The following SETD5 variants were observed in gnomAD, a reference collection of about 807,000 sequenced individuals.
SETD5 encodes the protein histone-lysine N-methyltransferase SETD5.
Under a neutral mutation model 153.3 loss-of-function variants are expected in SETD5, and 44 were observed. That is an observed-to-expected ratio of 0.29 (90% CI 0.23 to 0.37). SETD5 has a LOEUF of 0.37. Among genes scored for constraint, SETD5 ranks in the 10% least tolerant of loss-of-function variants. SETD5 has a pLI of 1.00. For synonymous variants in SETD5, 716 were observed against 645.2 expected (o/e 1.11, Z -1.66); for missense variants, 1,544 against 1,768.0 (o/e 0.87, Z 2.27).
At chr3:9,408,302 G>A (rs1294098389) in intron 1 of SETD5, among the ~76,000 whole-genome samples, 2 of 152,094 alleles carry the variant, frequency 1.3e-5, no homozygotes, top group Non-Finnish European at 2.9e-5. Context: ...TTTTTCGAAT[G>A]TCTTTTTTCT....
chr3:9,460,454 A>G (rs1575550027), intron 17 of SETD5, among the ~76,000 whole-genome samples: 1 of 149,174 alleles, frequency 6.7e-6, no homozygotes. Flanking sequence ...TTTTAATAGT[A>G]TGAGCATGGT....
intron 7 of SETD5, among the ~76,000 whole-genome samples, chr3:9,439,463 A>G (rs925966327): frequency 3.3e-5 from 5 of 152,240 alleles, no homozygotes; most frequent in Admixed American, 3.3e-4. Context: ...CCTGTTTGCA[A>G]GTTTAATGTG....
chr3:9,398,205 A>C, intron 1 of SETD5: 1 of 140,316 alleles, frequency 7.1e-6, no homozygotes, highest in Non-Finnish European at 1.5e-5. Context: ...AGGCGACCCA[A>C]CTCCCCCTTT....
chr3:9,441,780 G>C (rs1386723025), intron 9 of SETD5, 39 bp downstream of exon 9: 1 of 1,611,984 alleles, frequency 6.2e-7, no homozygotes, highest in Non-Finnish European at 8.5e-7. Flanking sequence ...GGCTAAGGTG[G>C]ACCTGGTTGA....
chr3:9,469,861 A>G (rs555082067), intron 18 of SETD5, among the ~76,000 whole-genome samples: 1 of 152,304 alleles, frequency 6.6e-6, no homozygotes, highest in African/African-American at 2.4e-5. Flanking sequence ...AGAAAGTTGT[A>G]TGAGAAACAC....
chr3:9,454,067 G>A, intron 17 of SETD5, 199 bp downstream of exon 17: 1 of 423,688 alleles, frequency 2.4e-6, no homozygotes, highest in Non-Finnish European at 3.9e-6. Flanking sequence ...GGACTAGACA[G>A]TGTACAGATA....
chr3:9,440,713 G>A lies in SETD5; in HGVS notation c.810+15G>A. On this transcript the variant is annotated intron_variant, in intron 8 of 22. Transcript: ENST00000402198. ...CCCAAATGCAGGTAAGCACCAAAGGGTTGAGGACTCTCTAAGTAGCTGAAA... is the reference window on the plus strand; with the variant it reads ...CCCAAATGCAGGTAAGCACCAAAGGATTGAGGACTCTCTAAGTAGCTGAAA... 6.2e-7 allele frequency: 1 copy of A among 1,609,666 alleles called. No individual in the cohort carries two copies. The highest frequency in any genetic ancestry group is 8.5e-7 in the Non-Finnish European group (1 of 1,177,956).
chr3:9,413,634 G>A (rs1433594226), intron 1 of SETD5, among the ~76,000 whole-genome samples: 2 of 140,236 alleles, frequency 1.4e-5, no homozygotes, highest in Non-Finnish European at 3.2e-5. Flanking sequence ...AGCTTCTTCG[G>A]GTGGGGGGAG....
At chr3:9,446,095 C>G (rs28581173) in intron 13 of SETD5, among the ~76,000 whole-genome samples, 3,011 of 149,224 alleles carry the variant, frequency 0.02, 104 homozygotes, top group African/African-American at 0.069. Context: ...AGACCATCCT[C>G]GCTAACACGG....
rs937537865 is a variant in SETD5 at position 9,424,658 on chromosome 3, G to A, written c.-117+132G>A. ...ATTTCTGGAACTTCTCTACGTGTCA[G>A]TTATTGTTTTGGCCATTGAAACTAC... On this transcript the variant is annotated intron_variant, in intron 2 of 22. Coordinates refer to ENST00000402198, the MANE Select transcript of SETD5 (RefSeq NM_001080517.3). 3.3e-5 allele frequency: 5 copies of A among 152,162 alleles called. No individual in the cohort carries two copies. The South Asian group carries it at 1.0e-3, about 31-fold the overall frequency. 9.4% of individuals were successfully genotyped at this position (152,162 alleles called of 1,614,324 possible).
chr3:9,467,797 A>G (rs1162923132), intron 18 of SETD5, among the ~76,000 whole-genome samples: 1 of 151,960 alleles, frequency 6.6e-6, no homozygotes, highest in African/African-American at 2.4e-5. Flanking sequence ...GTAAAGTCCT[A>G]CCCTCTGTAG....
At chr3:9,398,758 G>A (rs1282162086) in intron 1 of SETD5, among the ~76,000 whole-genome samples, 1 of 152,204 alleles carries the variant, frequency 6.6e-6, no homozygotes, top group South Asian at 2.1e-4. Flanking sequence ...AGGAGTGTAG[G>A]AAAGAGCCCT....
At chr3:9,417,520 C>G (rs948772104) in intron 1 of SETD5, among the ~76,000 whole-genome samples, 2 of 150,398 alleles carry the variant, frequency 1.3e-5, no homozygotes, top group Non-Finnish European at 2.9e-5. Context: ...GAGTCTCGCT[C>G]TATCGCCCAG....
intron 17 of SETD5, among the ~76,000 whole-genome samples, chr3:9,456,114 T>C (rs368324088): frequency 6.6e-6 from 1 of 152,142 alleles, no homozygotes; most frequent in Non-Finnish European, 1.5e-5. Context: ...ATTTCTATAA[T>C]AGAAAAAATC....
chr3:9,445,796 T>A, intron 13 of SETD5, 56 bp downstream of exon 13: 1 of 1,300,994 alleles, frequency 7.7e-7, no homozygotes, highest in Non-Finnish European at 1.1e-6. Flanking sequence ...CTCCATCATG[T>A]GAACCTCTTC....
intron 16 of SETD5, among the ~76,000 whole-genome samples, chr3:9,452,291 A>T (rs1276055181): frequency 6.6e-6 from 1 of 152,128 alleles, no homozygotes; most frequent in African/African-American, 2.4e-5. Flanking sequence ...GAAAAGAAAA[A>T]CTTAAAGGTG....
chr3:9,477,515 C>T lies in SETD5; in HGVS notation c.*1424C>T, dbSNP rs1284635162. The stretch of plus-strand genomic sequence containing the variant: ...GATAATACTGTGAGTTTCCCTCCTT[C>T]CTTCCCTCTAATTTGTTTTCCTTTT... On this transcript the variant is annotated 3_prime_UTR_variant, in exon 23 of 23. Coordinates refer to ENST00000402198, the MANE Select transcript of SETD5 (RefSeq NM_001080517.3). 2.0e-5 allele frequency: 3 copies of T among 152,468 alleles called. No homozygotes were observed. Among genetic ancestry groups the T allele is most frequent in the Non-Finnish European group, 4.4e-5 (3 of 68,064 alleles). The allele number at this position is 152,468 out of a possible 1,614,324, so 9.4% of individuals were successfully genotyped here.
chr3:9,446,969 T>C (rs375229610), intron 13 of SETD5, 81 bp from the exon 14 acceptor site: 3 of 990,070 alleles, frequency 3.0e-6, no homozygotes, highest in African/African-American at 3.3e-5. Flanking sequence ...TCTGTAAATT[T>C]CCATTAAAAA....
chr3:9,455,934 C>A (rs1028537110), intron 17 of SETD5, among the ~76,000 whole-genome samples: 4 of 152,114 alleles, frequency 2.6e-5, no homozygotes, highest in Non-Finnish European at 2.9e-5. Context: ...ACACACCTTG[C>A]CCTTAAAAAG....
Sources: allele counts gnomAD v4.1 joint callset (sites outside exome capture counted in the v4.1 genomes callset), GRCh38; gene constraint gnomAD v4.1.1; transcripts MANE v1.5; gene names NCBI Gene and HGNC (gene_info 2026-07-23, HGNC 2026-07-21).